RABEPK: variants seen among roughly 807,000 people sequenced by gnomAD.
RABEPK encodes the protein Rab9 effector protein with kelch motifs, also known as 40 kDa Rab9 effector protein.
Under a neutral mutation model 34.1 loss-of-function variants are expected in RABEPK, and 27 were observed. That is an observed-to-expected ratio of 0.79 (90% CI 0.58 to 1.09). The LOEUF is 1.09. Among genes scored for constraint, RABEPK ranks in the 50% least tolerant of loss-of-function variants. The probability of loss-of-function intolerance (pLI) is 0.00; values close to 1 mark genes in which losing one functional copy is unlikely to be tolerated. For missense variants in RABEPK, 449 were observed against 462.6 expected (o/e 0.97, Z 0.27); for synonymous variants, 172 against 169.2 (o/e 1.02, Z -0.13).
rs1472968668 is a variant in RABEPK, at chr9:125,200,632, A to C, written c.-281A>C. 8.5e-6 allele frequency: 4 copies of C among 468,284 alleles called. No individual in the cohort carries two copies. The highest frequency in any genetic ancestry group is 1.8e-5 in the Non-Finnish European group (4 of 225,048). 29.0% of individuals were successfully genotyped at this position (468,284 alleles called of 1,614,324 possible). A position where few individuals can be genotyped will look rare whatever the true frequency, so the allele number is the denominator to read the frequency against. On this transcript the variant is annotated 5_prime_UTR_variant, in exon 1 of 8. Transcript: ENST00000373538. ...GCGAGGGTCCCCGGATACCGGGTCT[A>C]TCACGGTCTCGGGCAGGGAGTCTGA...
chr9:125,209,497 G>A (rs915193742), intron 3 of RABEPK, among the ~76,000 whole-genome samples: 2 of 151,948 alleles, frequency 1.3e-5, no homozygotes, highest in African/African-American at 2.4e-5. Context: ...TTACAGGCGC[G>A]TGCCACCAGC....
chr9:125,218,147 T>TA (rs5900646), intron 4 of RABEPK, among the ~76,000 whole-genome samples: 3,859 of 142,310 alleles, frequency 0.027, 138 homozygotes, highest in African/African-American at 0.083. Context: ...CCGTCTCTAC[T>TA]AAAAAAAAAA....
chr9:125,203,147 C>T, intron 2 of RABEPK, 81 bp downstream of exon 2: 1 of 1,218,046 alleles, frequency 8.2e-7, no homozygotes, highest in Non-Finnish European at 1.2e-6. Flanking sequence ...ATTTGATCAT[C>T]AACAAAAAGG....
chr9:125,233,393 C>T (rs565613920), intron 7 of RABEPK, among the ~76,000 whole-genome samples: 3 of 127,490 alleles, frequency 2.4e-5, no homozygotes, highest in Admixed American at 9.8e-5. Context: ...GGCTGTAGTG[C>T]GGTGACGTGA....
chr9:125,230,711 A>G (rs1428773370), intron 6 of RABEPK, among the ~76,000 whole-genome samples: 1 of 150,952 alleles, frequency 6.6e-6, no homozygotes, highest in Non-Finnish European at 1.5e-5. Context: ...AATTTTTTGT[A>G]TTTTTAGTAG....
chr9:125,211,247 G>A (rs1830578001), intron 3 of RABEPK, among the ~76,000 whole-genome samples: 1 of 150,646 alleles, frequency 6.6e-6, no homozygotes, highest in East Asian at 2.0e-4. Flanking sequence ...AAAAAAAAAA[G>A]AAAGTGATTC....
chr9:125,209,811 C>A (rs1009861746), intron 3 of RABEPK, among the ~76,000 whole-genome samples: 1 of 152,146 alleles, frequency 6.6e-6, no homozygotes, highest in Admixed American at 6.6e-5. Context: ...TTCTCTATAT[C>A]TTTCAGATTT....
intron 6 of RABEPK, 104 bp from the exon 7 acceptor site, chr9:125,232,492 G>C: frequency 7.7e-7 from 1 of 1,300,872 alleles, no homozygotes; most frequent in Non-Finnish European, 1.0e-6. Flanking sequence ...CAGAGCTCTT[G>C]GTGAATGACT....
intron 2 of RABEPK, among the ~76,000 whole-genome samples, chr9:125,206,756 G>A (rs73582023): frequency 0.043 from 6,547 of 152,060 alleles, 364 homozygotes; most frequent in East Asian, 0.23. Context: ...CTGTTTTGAC[G>A]TCTTGTCTCA....
intron 5 of RABEPK, among the ~76,000 whole-genome samples, chr9:125,227,190 G>GATA (rs1405987469): frequency 2.0e-5 from 3 of 151,786 alleles, no homozygotes; most frequent in Non-Finnish European, 2.9e-5. Flanking sequence ...TAATAATAAT[G>GATA]ATAATAATAA....
rs565373765 is a variant in RABEPK at position 125,231,748 on chromosome 9, C to T, written c.677-848C>T. On this transcript the variant is annotated intron_variant, in intron 6 of 7. Transcript: ENST00000373538. ...CCTGGGAGTCAAGATCAAGCCACTG[C>T]ACTCCAGGCTGGGCAACAGAGCGGA... Among the ~76,000 whole-genome samples the T allele has an allele frequency of 3.3e-5, 5 of 151,758 alleles. No homozygotes were observed. The East Asian group carries it at 5.8e-4, about 18-fold the overall frequency.
At chr9:125,229,474 G>A (rs879454624) in intron 6 of RABEPK, among the ~76,000 whole-genome samples, 1 of 152,162 alleles carries the variant, frequency 6.6e-6, no homozygotes, top group Non-Finnish European at 1.5e-5. Flanking sequence ...TTGCTCTTAT[G>A]TGTAGGTAAC....
intron 2 of RABEPK, among the ~76,000 whole-genome samples, chr9:125,205,855 A>G (rs945945315): frequency 6.6e-6 from 1 of 152,184 alleles, no homozygotes; most frequent in African/African-American, 2.4e-5. Flanking sequence ...AAATTTGGCA[A>G]CCACTGATGA....
intron 6 of RABEPK, among the ~76,000 whole-genome samples, chr9:125,232,387 C>T (rs994735205): frequency 6.6e-6 from 1 of 152,196 alleles, no homozygotes; most frequent in African/African-American, 2.4e-5. Flanking sequence ...GCCTGAGATT[C>T]TGGGAATCAC....
intron 3 of RABEPK, among the ~76,000 whole-genome samples, chr9:125,208,994 G>A (rs994563266): frequency 2.7e-5 from 4 of 150,856 alleles, no homozygotes; most frequent in Non-Finnish European, 4.4e-5. Context: ...CCTAGCCAGC[G>A]AATATCATCT....
At chr9:125,226,553 C>A (rs1451739237) in intron 5 of RABEPK, among the ~76,000 whole-genome samples, 1 of 151,434 alleles carries the variant, frequency 6.6e-6, no homozygotes, top group Non-Finnish European at 1.5e-5. Flanking sequence ...GGTGAAACCC[C>A]GTCTCTATGA....
intron 3 of RABEPK, among the ~76,000 whole-genome samples, chr9:125,212,115 T>C (rs2131383116): frequency 6.6e-6 from 1 of 152,344 alleles, no homozygotes; most frequent in East Asian, 1.9e-4. Flanking sequence ...CAGTGCTCTA[T>C]AAAGTAGGGA....
chr9:125,232,435 CATA>C (rs1159580204), intron 6 of RABEPK, among the ~76,000 whole-genome samples, 158 bp from the exon 7 acceptor site: 1 of 152,206 alleles, frequency 6.6e-6, no homozygotes, highest in Admixed American at 6.5e-5. Flanking sequence ...ACTACCCAAT[CATA>C]ATGTCAGAGT....
At chr9:125,218,893 AT>A (rs534310878) in intron 4 of RABEPK, among the ~76,000 whole-genome samples, 2 of 150,908 alleles carry the variant, frequency 1.3e-5, no homozygotes, top group Non-Finnish European at 1.5e-5. Flanking sequence ...CACCCGACTA[AT>A]TTTTTTTTGT....
Sources: gnomAD v4.1 joint callset for allele counts (sites outside exome capture counted in the v4.1 genomes callset) on GRCh38, gnomAD v4.1.1 for gene constraint, MANE v1.5 for transcripts, NCBI Gene and HGNC (gene_info 2026-07-23, HGNC 2026-07-21) for gene names.